ZKSCAN3: variants seen among roughly 807,000 people sequenced by gnomAD.
ZKSCAN3 encodes zinc finger with KRAB and SCAN domains 3.
ZKSCAN3 carries 21 observed loss-of-function variants against 30.7 expected under a neutral mutation model. The ratio of observed to expected loss-of-function variants is 0.68; its 90% confidence interval spans 0.49 to 0.99. The LOEUF (loss-of-function observed/expected upper bound fraction) is 0.99, where lower values mean the gene tolerates loss of function less well. ZKSCAN3 is among the 50% of genes least tolerant of loss of function. The pLI is 0.00. For synonymous variants in ZKSCAN3, 201 were observed against 246.7 expected (o/e 0.81, Z 1.73); for missense variants, 507 against 647.1 (o/e 0.78, Z 2.35).
Position 28,359,791 on chromosome 6 carries a change from G to A in ZKSCAN3, c.205G>A (p.Glu69Lys), listed in dbSNP as rs1765660468. The change falls in exon 2 of 6, where the codon GAG becomes AAG. Residue 69 changes from glutamate to lysine, a missense_variant. By Grantham distance (56) the Glu-to-Lys change is moderately conservative. Transcript: ENST00000252211. ...GPREALSRLR[E>K]LCRQWLQPEM... ...CCGCGAGGCGCTGAGTCGGCTCCGA[G>A]AGCTCTGCCGACAGTGGCTGCAGCC... 1 of 1,614,224 alleles carries A rather than the reference G, an allele frequency of 6.2e-7. No homozygotes were observed. Among genetic ancestry groups the A allele is most frequent in the Admixed American group, 1.7e-5 (1 of 60,036 alleles).
chr6:28,365,606 G>A lies in ZKSCAN3; in HGVS notation c.938G>A (p.Arg313Gln), dbSNP rs754406189. 9 of 1,614,108 alleles carry A rather than the reference G, an allele frequency of 5.6e-6. No homozygotes were observed. Among genetic ancestry groups the A allele is most frequent in the Admixed American group, 1.7e-5 (1 of 60,010 alleles). Reference sequence around the variant, plus strand: ...CAGAAAAATGCCACAGGAGGGAGGCGGCACATCTGCCATGAATGTGGAAAG... The same window carrying A: ...CAGAAAAATGCCACAGGAGGGAGGCAGCACATCTGCCATGAATGTGGAAAG... ...RKQKNATGGR[R>Q]HICHECGKSF... Residue 313 changes from arginine to glutamine, a missense_variant, in exon 6 of 6, where the codon CGG becomes CAG. Transcript: ENST00000252211.
chr6:28,358,255 G>A (rs1288531443), intron 1 of ZKSCAN3, among the ~76,000 whole-genome samples: 1 of 152,250 alleles, frequency 6.6e-6, no homozygotes, highest in African/African-American at 2.4e-5. Context: ...CACAATCATA[G>A]CTTACTGCAT....
chr6:28,358,899 G>GAAAAAAAA (rs201554097), intron 1 of ZKSCAN3, among the ~76,000 whole-genome samples: 1 of 106,058 alleles, frequency 9.4e-6, no homozygotes, highest in Non-Finnish European at 2.0e-5. Flanking sequence ...AAACAAATAA[G>GAAAAAAAA]AAAAAAAAAA....
At chr6:28,353,344 T>C in intron 1 of ZKSCAN3, 1 of 154,322 alleles carries the variant, frequency 6.5e-6, no homozygotes, top group Non-Finnish European at 1.4e-5. Flanking sequence ...TCAAATAATT[T>C]TGCAGTCACT....
chr6:28,353,807 A>T (rs1201678591), intron 1 of ZKSCAN3: 2 of 456,646 alleles, frequency 4.4e-6, no homozygotes, highest in African/African-American at 4.0e-5. Context: ...ACTCTTATTT[A>T]AAAAAAGAAA....
chr6:28,354,083 C>T (rs1350791346), intron 1 of ZKSCAN3: 1 of 402,920 alleles, frequency 2.5e-6, no homozygotes, highest in Non-Finnish European at 5.0e-6. Flanking sequence ...CTGCCGCTCC[C>T]ACACTTACAG....
chr6:28,366,221 C>T lies in ZKSCAN3; in HGVS notation c.1553C>T (p.Thr518Ile). 1 of 1,569,766 alleles carries T rather than the reference C, an allele frequency of 6.4e-7. No homozygotes were observed. The highest frequency in any genetic ancestry group is 8.6e-7 in the Non-Finnish European group (1 of 1,163,944). The change falls in exon 6 of 6, where the codon ACC (threonine) becomes ATC (isoleucine). Residue 518 changes from threonine (T) to isoleucine (I), a missense_variant. Thr to Ile is a moderately conservative substitution (Grantham distance 89, BLOSUM62 -1). Coordinates refer to ENST00000252211, the MANE Select transcript of ZKSCAN3 (RefSeq NM_024493.4). Reference sequence around the variant, plus strand: ...TGTAATGCGTGTGGAAAAGGCTTCACCCGAATTTCATACCTTGTTCAACAT... The same window carrying T: ...TGTAATGCGTGTGGAAAAGGCTTCATCCGAATTTCATACCTTGTTCAACAT... ...YQCNACGKGF[T>I]RISYLVQHQR...
chr6:28,349,880 G>C (rs1380907037), upstream of ZKSCAN3: 2 of 152,266 alleles, frequency 1.3e-5, no homozygotes, highest in Non-Finnish European at 2.9e-5. This position sits in a 1 kb window ranked among gnomAD's most constrained non-coding sequence, Gnocchi z 4.1. Flanking sequence ...GCAAACGACA[G>C]AGTCTGTCAG....
intron 1 of ZKSCAN3, chr6:28,353,775 C>G (rs1765223050): frequency 1.1e-5 from 5 of 454,474 alleles, no homozygotes; most frequent in South Asian, 4.7e-5. Context: ...AAGAAAAGGT[C>G]AAGAACAGAA....
In ZKSCAN3 at chr6:28,359,734, C is replaced by T. The variant is rs1246641421; in HGVS notation, c.148C>T (p.Arg50Ter). ...LGSEGSRERF[R>*]GFRYPEAAGP... The stretch of plus-strand genomic sequence containing the variant: ...TTCTGAGGGCTCCCGCGAGCGCTTC[C>T]GAGGCTTCCGCTACCCGGAGGCTGC... Residue 50 changes from arginine (R) to a stop codon, truncating the protein, a stop_gained, in exon 2 of 6, where the codon CGA (arginine) becomes TGA (stop). Transcript: ENST00000252211. LOFTEE classifies it high-confidence loss of function. The T allele has an allele frequency of 6.2e-7, 1 of 1,614,210 alleles. No individual in the cohort carries two copies.
In ZKSCAN3 at chr6:28,367,395, C is replaced by G. The variant is rs1437034639; in HGVS notation, c.*1110C>G. The G allele has an allele frequency of 6.6e-6, 1 of 150,520 alleles. No homozygotes were observed. 9.3% of individuals were successfully genotyped at this position (150,520 alleles called of 1,614,324 possible). A position where few individuals can be genotyped will look rare whatever the true frequency, so the allele number is the denominator to read the frequency against. The stretch of plus-strand genomic sequence containing the variant: ...TGGTCTCGAAATCCTGGGCAATCCT[C>G]CTGCCTCACCCTCTCAAGTACTGGA... On this transcript the variant is annotated 3_prime_UTR_variant, in exon 6 of 6. Coordinates refer to ENST00000252211, the MANE Select transcript of ZKSCAN3 (RefSeq NM_024493.4).
At chr6:28,365,339 C>T in intron 5 of ZKSCAN3, 87 bp from the exon 6 acceptor site, 1 of 1,504,512 alleles carries the variant, frequency 6.6e-7, no homozygotes, top group Non-Finnish European at 8.9e-7. Context: ...CATTTATAGA[C>T]CTCTGTAATT....
intron 3 of ZKSCAN3, among the ~76,000 whole-genome samples, chr6:28,362,362 G>A (rs1416194868): frequency 6.6e-6 from 1 of 152,172 alleles, no homozygotes; most frequent in Non-Finnish European, 1.5e-5. Flanking sequence ...AAATTAAAGG[G>A]TATAAATCTT....
In ZKSCAN3 at chr6:28,363,636, C is replaced by T. The variant is rs1581740119; in HGVS notation, c.634-56C>T. On this transcript the variant is annotated intron_variant, in intron 4 of 5. Coordinates refer to ENST00000252211, the MANE Select transcript of ZKSCAN3 (RefSeq NM_024493.4). ...GGCCTGGGGGTGCTTCCCAGATCTT[C>T]CCCACTCCACCATTTTGGTCAGCCC... 1.1e-5 allele frequency: 17 copies of T among 1,608,018 alleles called. No homozygotes were observed. In the East Asian group the frequency reaches 3.1e-4, roughly 30 times the overall value.
chr6:28,360,408 T>C (rs1288488541), intron 2 of ZKSCAN3: 1 of 252,590 alleles, frequency 4.0e-6, no homozygotes, highest in East Asian at 1.8e-4. Flanking sequence ...CTGCTTATGC[T>C]ACATTGATTT....
chr6:28,365,228 C>T (rs934645869), intron 5 of ZKSCAN3, among the ~76,000 whole-genome samples, 198 bp from the exon 6 acceptor site: 3 of 152,016 alleles, frequency 2.0e-5, no homozygotes, highest in African/African-American at 7.2e-5. Flanking sequence ...TGTACCTTTC[C>T]AATGGCCCCA....
chr6:28,358,959 G>A (rs1765610992), intron 1 of ZKSCAN3, among the ~76,000 whole-genome samples: 1 of 150,828 alleles, frequency 6.6e-6, no homozygotes, highest in Non-Finnish European at 1.5e-5. Context: ...AGGTCAGAAG[G>A]CCAGGCAGGC....
intron 1 of ZKSCAN3, chr6:28,353,970 A>G (rs1765240158): frequency 2.2e-6 from 1 of 454,666 alleles, no homozygotes; most frequent in Non-Finnish European, 4.4e-6. Context: ...CAGGTAAAAT[A>G]TGATTTTATT....
At chr6:28,353,227 A>G (rs1381981250) in intron 1 of ZKSCAN3, 1 of 152,702 alleles carries the variant, frequency 6.5e-6, no homozygotes, top group Non-Finnish European at 1.5e-5. Context: ...TCAGCCTCCC[A>G]AAGTGTTGGG....
Sources: allele counts gnomAD v4.1 joint callset (sites outside exome capture counted in the v4.1 genomes callset), GRCh38; gene constraint gnomAD v4.1.1; non-coding constraint Gnocchi (gnomAD v3.1); transcripts MANE v1.5; gene names NCBI Gene and HGNC (gene_info 2026-07-23, HGNC 2026-07-21).